ZFHX3: variants seen among roughly 807,000 people sequenced by gnomAD.
ZFHX3 encodes the protein zinc finger homeobox protein 3.
A neutral mutation model predicts 279.1 loss-of-function variants in ZFHX3; 42 were observed. The ratio of observed to expected loss-of-function variants is 0.15; its 90% CI spans 0.12 to 0.19. The LOEUF is 0.19. ZFHX3 is among the 10% of genes least tolerant of loss of function. The pLI is 1.00. For missense variants in ZFHX3, 4,981 were observed against 4,754.0 expected, an observed-to-expected ratio of 1.05 and a Z score of -1.40; for synonymous variants, 2,293 against 1,957.8, an observed-to-expected ratio of 1.17 and a Z score of -4.52.
At chr16:73,654,811 TA>T (rs34853821) in intron 2 of ZFHX3, among the ~76,000 whole-genome samples, 13,576 of 148,716 alleles carry the variant, frequency 0.091, 681 homozygotes, top group African/African-American at 0.13. Flanking sequence ...AATAATTTTT[TA>T]AAAAAACAAT....
intron 3 of ZFHX3, among the ~76,000 whole-genome samples, chr16:73,378,731 C>T (rs1186495461): frequency 6.6e-6 from 1 of 152,162 alleles, no homozygotes; most frequent in Non-Finnish European, 1.5e-5. Flanking sequence ...GTGACATATT[C>T]CTCCCCCCAT....
intron 1 of ZFHX3, among the ~76,000 whole-genome samples, chr16:73,731,817 G>A (rs1257512951): frequency 6.6e-6 from 1 of 152,160 alleles, no homozygotes; most frequent in African/African-American, 2.4e-5. Context: ...AATTGCAAGA[G>A]AAGAGGCTTT....
intron 4 of ZFHX3, among the ~76,000 whole-genome samples, chr16:73,264,903 A>G (rs2013925592): frequency 6.6e-6 from 1 of 151,944 alleles, no homozygotes; most frequent in Middle Eastern, 3.2e-3. Flanking sequence ...TGTGAATGCC[A>G]TTAATTCATT....
rs554776200 is a variant in ZFHX3 at position 73,851,657 on chromosome 16, G to T, written c.-1608+39994C>A. 1.2e-4 allele frequency among the ~76,000 whole-genome samples: 18 copies of T among 152,320 alleles called. No individual in the cohort carries two copies. In the East Asian group the frequency reaches 3.1e-3, roughly 26 times the overall value. The stretch of plus-strand genomic sequence containing the variant: ...TCCTTCAAAAAGCTTCTTTAGAGGG[G>T]ACGACGAAGCTAAAATTTGAGAACC... On this transcript the variant is annotated intron_variant, in intron 1 of 17. Transcript: ENST00000641206.
chr16:73,331,014 T>C (rs2015791281), intron 3 of ZFHX3, among the ~76,000 whole-genome samples: 1 of 152,138 alleles, frequency 6.6e-6, no homozygotes, highest in Non-Finnish European at 1.5e-5. Flanking sequence ...CACACTGCTA[T>C]GAAAAAATAC....
chr16:73,473,371 A>AAAAAAAAAAAAC (rs2018709703), intron 2 of ZFHX3, among the ~76,000 whole-genome samples: 2 of 150,610 alleles, frequency 1.3e-5, no homozygotes, highest in African/African-American at 5.0e-5. Context: ...AAAAAAAAAA[A>AAAAAAAAAAAAC]ACAAAATAAT....
At chr16:73,817,339 A>T (rs1415698153) in intron 1 of ZFHX3, among the ~76,000 whole-genome samples, 3 of 152,136 alleles carry the variant, frequency 2.0e-5, no homozygotes, top group Non-Finnish European at 2.9e-5. Context: ...TATTCTGGAG[A>T]GGGCGAAAAG....
At chr16:72,840,175 G>T (rs1482618183) in intron 4 of ZFHX3, among the ~76,000 whole-genome samples, 1 of 151,936 alleles carries the variant, frequency 6.6e-6, no homozygotes, top group Non-Finnish European at 1.5e-5. Context: ...GGAAAATACT[G>T]GAAATATATG....
chr16:73,484,011 C>T (rs1439098158), intron 2 of ZFHX3, among the ~76,000 whole-genome samples: 2 of 151,138 alleles, frequency 1.3e-5, no homozygotes, highest in Non-Finnish European at 2.9e-5. Flanking sequence ...GTCTGAAATC[C>T]CCCACTAGAC....
At chr16:72,882,535 C>T (rs1439071099) in intron 4 of ZFHX3, among the ~76,000 whole-genome samples, 2 of 152,184 alleles carry the variant, frequency 1.3e-5, no homozygotes, top group Non-Finnish European at 2.9e-5. Context: ...GGTGCAAGTC[C>T]TGGAACAGCC....
intron 4 of ZFHX3, among the ~76,000 whole-genome samples, chr16:73,288,557 G>A (rs1344452102): frequency 6.6e-6 from 1 of 152,168 alleles, no homozygotes; most frequent in South Asian, 2.1e-4. Flanking sequence ...ACTTGGTCCA[G>A]ATGTGCCAAC....
chr16:73,151,415 T>C (rs1376927139), intron 5 of ZFHX3, among the ~76,000 whole-genome samples: 1 of 151,966 alleles, frequency 6.6e-6, no homozygotes, highest in Non-Finnish European at 1.5e-5. Flanking sequence ...GAGAACAGCA[T>C]TCTGTAGCAG....
chr16:73,075,655 A>T (rs1242503911), intron 8 of ZFHX3, among the ~76,000 whole-genome samples: 3 of 150,268 alleles, frequency 2.0e-5, no homozygotes, highest in Non-Finnish European at 4.4e-5. Flanking sequence ...TTTTTTTGAG[A>T]TGGAGTCTCG....
intron 1 of ZFHX3, among the ~76,000 whole-genome samples, chr16:73,823,370 G>C (rs1260663238): frequency 1.3e-5 from 2 of 152,072 alleles, no homozygotes; most frequent in Non-Finnish European, 2.9e-5. Context: ...TGCAATCCCT[G>C]GGCCCATCCA....
chr16:73,389,812 C>T (rs995646222), intron 3 of ZFHX3, among the ~76,000 whole-genome samples: 1 of 152,222 alleles, frequency 6.6e-6, no homozygotes, highest in Admixed American at 6.5e-5. Context: ...GTAATCCCAA[C>T]GCTTTGGGAG....
At chr16:72,875,605 C>A (rs576838143) in intron 4 of ZFHX3, among the ~76,000 whole-genome samples, 4 of 152,170 alleles carry the variant, frequency 2.6e-5, no homozygotes, top group African/African-American at 9.7e-5. Flanking sequence ...CAAACCATTC[C>A]GCCCATAAAA....
At chr16:73,527,076 C>T (rs1218552749) in intron 2 of ZFHX3, among the ~76,000 whole-genome samples, 4 of 152,132 alleles carry the variant, frequency 2.6e-5, no homozygotes, top group African/African-American at 9.7e-5. Flanking sequence ...CTCACACATT[C>T]ACCATTTTGA....
intron 2 of ZFHX3, among the ~76,000 whole-genome samples, chr16:73,673,726 C>G (rs1442704572): frequency 6.6e-6 from 1 of 152,158 alleles, no homozygotes; most frequent in Non-Finnish European, 1.5e-5. Flanking sequence ...AAGTGCTGAG[C>G]TGGACTTGGG....
At chr16:73,321,970 C>T (rs1327297821) in intron 3 of ZFHX3, among the ~76,000 whole-genome samples, 3 of 152,206 alleles carry the variant, frequency 2.0e-5, no homozygotes, top group Admixed American at 6.5e-5. Context: ...TGTATGAAAT[C>T]GTTAAGCACA....
Sources: allele counts gnomAD v4.1 joint callset (sites outside exome capture counted in the v4.1 genomes callset), GRCh38; gene constraint gnomAD v4.1.1; transcripts MANE v1.5; gene names NCBI Gene and HGNC (gene_info 2026-07-23, HGNC 2026-07-21).